The following SNTG1 variants were observed in gnomAD, a reference collection of about 807,000 sequenced individuals.
SNTG1 encodes the protein syntrophin gamma 1.
In SNTG1, 39 loss-of-function variants were observed where a neutral mutation model predicts 74.7. The ratio of observed to expected loss-of-function variants is 0.52; its 90% CI spans 0.40 to 0.68. SNTG1 has a LOEUF of 0.68. Among genes scored for constraint, SNTG1 ranks in the 30% least tolerant of loss-of-function variants. The pLI is 0.00. For missense variants in SNTG1, 685 were observed against 609.5 expected (o/e 1.12, Z -1.30); for synonymous variants, 254 against 217.1 (o/e 1.17, Z -1.49).
intron 17 of SNTG1, 71 bp downstream of exon 17, chr8:50,709,049 A>T: frequency 9.2e-7 from 1 of 1,091,686 alleles, no homozygotes; most frequent in Non-Finnish European, 1.4e-6. Flanking sequence ...TAAATGCCTC[A>T]TAACTCCTTT....
chr8:50,149,022 A>G (rs926041763), intron 1 of SNTG1, among the ~76,000 whole-genome samples: 1 of 152,226 alleles, frequency 6.6e-6, no homozygotes, highest in African/African-American at 2.4e-5. Flanking sequence ...CCAACAGTGT[A>G]AAAGCGTCCC....
chr8:50,509,593 G>A (rs1585513723), intron 9 of SNTG1, among the ~76,000 whole-genome samples: 2 of 152,086 alleles, frequency 1.3e-5, no homozygotes, highest in East Asian at 1.9e-4. Context: ...GTATTTCATT[G>A]AGCAGTGGTG....
chr8:50,710,631 A>G (rs2095458914), intron 17 of SNTG1, among the ~76,000 whole-genome samples: 1 of 152,206 alleles, frequency 6.6e-6, no homozygotes, highest in South Asian at 2.1e-4. Context: ...TTCTGAGTTT[A>G]TTTTAAAGCT....
chr8:50,025,806 T>C (rs60321625), intron 1 of SNTG1, among the ~76,000 whole-genome samples: 6,987 of 152,296 alleles, frequency 0.046, 540 homozygotes, highest in African/African-American at 0.16. Flanking sequence ...AATTGATACA[T>C]TGTAACTCTT....
intron 1 of SNTG1, among the ~76,000 whole-genome samples, chr8:50,041,116 G>A (rs1293026096): frequency 1.3e-5 from 2 of 152,064 alleles, no homozygotes; most frequent in East Asian, 1.9e-4. Context: ...GTCTGGTCTC[G>A]AGCTCCCGAC....
intron 2 of SNTG1, among the ~76,000 whole-genome samples, chr8:50,251,499 A>G (rs112626024): frequency 1.3e-4 from 19 of 151,990 alleles, no homozygotes; most frequent in African/African-American, 4.6e-4. Flanking sequence ...TCACTGTTAA[A>G]CACAGACAGA....
chr8:49,936,703 T>TTATC (rs1268259136), intron 1 of SNTG1, among the ~76,000 whole-genome samples: 1 of 152,180 alleles, frequency 6.6e-6, no homozygotes, highest in Non-Finnish European at 1.5e-5. Context: ...CATAGCACCC[T>TTATC]TATCTAGTCA....
At position 50,182,969 on chromosome 8, in the gene SNTG1, T is replaced by C. The variant is rs576250032; in HGVS notation, c.-28+10334T>C. 8.4e-4 allele frequency among the ~76,000 whole-genome samples: 128 copies of C among 152,200 alleles called. 2 individuals are homozygous for C. Among genetic ancestry groups the C allele is most frequent in the Non-Finnish European group, 1.3e-3 (88 of 68,000 alleles). On this transcript the variant is annotated intron_variant, in intron 2 of 18. Coordinates refer to ENST00000642720, the MANE Select transcript of SNTG1 (RefSeq NM_018967.5). The stretch of plus-strand genomic sequence containing the variant: ...CTCCCCTTTATCCTCAGAGACACCA[T>C]CCCAAGATGATGTCACTGATGCCGC...
At chr8:50,510,428 A>T (rs1166596518) in intron 9 of SNTG1, among the ~76,000 whole-genome samples, 1 of 152,210 alleles carries the variant, frequency 6.6e-6, no homozygotes, top group Non-Finnish European at 1.5e-5. Context: ...TGCTGGCCTC[A>T]TAAAATGAGT....
At chr8:49,938,544 C>CTTCTTTTCTTTTCTT (rs1554524744) in intron 1 of SNTG1, among the ~76,000 whole-genome samples, 1 of 105,082 alleles carries the variant, frequency 9.5e-6, no homozygotes, top group African/African-American at 3.9e-5. Flanking sequence ...CTTACCATGC[C>CTTCTTTTCTTTTCTT]TTCTTTTCTT....
intron 1 of SNTG1, among the ~76,000 whole-genome samples, chr8:50,153,310 TC>T (rs551101327): frequency 1.6e-3 from 250 of 152,290 alleles, no homozygotes; most frequent in African/African-American, 5.8e-3. Context: ...ATTTGTCTAT[TC>T]TTTTTTCAAG....
intron 4 of SNTG1, among the ~76,000 whole-genome samples, chr8:50,423,914 T>C (rs193275302): frequency 5.0e-4 from 76 of 152,266 alleles, no homozygotes; most frequent in Non-Finnish European, 9.0e-4. Context: ...TAACTTCAAA[T>C]GATGAAAGGC....
At chr8:50,130,654 G>A (rs915152885) in intron 1 of SNTG1, among the ~76,000 whole-genome samples, 10 of 151,988 alleles carry the variant, frequency 6.6e-5, no homozygotes, top group Admixed American at 3.3e-4. Context: ...TGAAATTTGC[G>A]TTAAAAGATG....
At chr8:50,020,441 T>C (rs1045269752) in intron 1 of SNTG1, among the ~76,000 whole-genome samples, 3 of 152,164 alleles carry the variant, frequency 2.0e-5, no homozygotes, top group African/African-American at 7.2e-5. Flanking sequence ...AGTTTATTAA[T>C]TACCTTTGTG....
At chr8:50,214,188 C>T (rs932991803) in intron 2 of SNTG1, among the ~76,000 whole-genome samples, 19 of 139,106 alleles carry the variant, frequency 1.4e-4, no homozygotes, top group Non-Finnish European at 2.6e-4. Context: ...TATTCTCACT[C>T]ATAGGTGGGA....
chr8:49,921,307 T>A (rs1263962637), intron 1 of SNTG1, among the ~76,000 whole-genome samples: 1 of 151,958 alleles, frequency 6.6e-6, no homozygotes, highest in Non-Finnish European at 1.5e-5. Flanking sequence ...CATACCATGG[T>A]TAACAGTGTT....
intron 2 of SNTG1, among the ~76,000 whole-genome samples, chr8:50,385,144 C>T (rs1352260046): frequency 1.3e-5 from 2 of 152,186 alleles, no homozygotes; most frequent in Non-Finnish European, 2.9e-5. Context: ...GACAGATATT[C>T]TGCGTCATAT....
In SNTG1 at chr8:50,600,876, G is replaced by A. The variant is rs545741306; in HGVS notation, c.849+9959G>A. On this transcript the variant is annotated intron_variant, in intron 13 of 18. Coordinates refer to ENST00000642720, the MANE Select transcript of SNTG1 (RefSeq NM_018967.5). ...GCTGTTGCTTGTCTAGTTCTTTAAG[G>A]CATATTAGGCTAGCTGGGCACGGTG... 3.3e-5 allele frequency among the ~76,000 whole-genome samples: 5 copies of A among 150,890 alleles called. No homozygotes were observed. In the South Asian group the frequency reaches 1.0e-3, roughly 32 times the overall value.
intron 2 of SNTG1, among the ~76,000 whole-genome samples, chr8:50,316,686 T>C (rs1433406672): frequency 6.6e-6 from 1 of 152,174 alleles, no homozygotes; most frequent in Non-Finnish European, 1.5e-5. Flanking sequence ...CAGTTAGTAC[T>C]AAGGATGTAA....
Sources: gnomAD v4.1 joint callset for allele counts (sites outside exome capture counted in the v4.1 genomes callset) on GRCh38, gnomAD v4.1.1 for gene constraint, MANE v1.5 for transcripts, NCBI Gene and HGNC (gene_info 2026-07-23, HGNC 2026-07-21) for gene names.